PTPRG: variants seen among roughly 807,000 people sequenced by gnomAD.
The protein encoded by PTPRG is receptor-type tyrosine-protein phosphatase gamma.
In PTPRG, 102 loss-of-function variants were observed where a neutral mutation model predicts 165.3. That is an observed-to-expected ratio of 0.62 (90% CI 0.53 to 0.73). The LOEUF (loss-of-function observed/expected upper bound fraction) is 0.73, where lower values mean the gene tolerates loss of function less well. Among genes scored for constraint, PTPRG ranks in the 30% least tolerant of loss-of-function variants. PTPRG has a pLI of 0.00. For synonymous variants in PTPRG, 675 were observed against 669.5 expected (o/e 1.01, Z -0.13); for missense variants, 1,866 against 1,861.4 (o/e 1.00, Z -0.05).
At chr3:62,176,010 TA>T (rs1407087202) in intron 8 of PTPRG, among the ~76,000 whole-genome samples, 6 of 152,228 alleles carry the variant, frequency 3.9e-5, no homozygotes, top group Non-Finnish European at 7.3e-5. Flanking sequence ...TAAGATCTTC[TA>T]GCAGTGGGAA....
chr3:62,178,174 G>GATGGATGGATGGATGCACATGTGGATCC (rs1705505408), intron 8 of PTPRG, among the ~76,000 whole-genome samples: 1 of 151,742 alleles, frequency 6.6e-6, no homozygotes, highest in South Asian at 2.1e-4. Context: ...TGGATGGATG[G>GATGGATGGATGGATGCACATGTGGATCC]ATGGATGGAT....
At chr3:62,204,451 C>G (rs1227770198) in intron 12 of PTPRG, among the ~76,000 whole-genome samples, 30 of 152,006 alleles carry the variant, frequency 2.0e-4, no homozygotes. Flanking sequence ...GTAGCAGGAA[C>G]GTTAGAAAGC....
intron 5 of PTPRG, among the ~76,000 whole-genome samples, chr3:62,125,420 C>T (rs1461684172): frequency 6.6e-6 from 1 of 152,152 alleles, no homozygotes; most frequent in Admixed American, 6.5e-5. Flanking sequence ...CTTTTTGCTT[C>T]CAGGGAATGA....
At chr3:61,894,961 A>G (rs145324786) in intron 2 of PTPRG, among the ~76,000 whole-genome samples, 1,607 of 152,190 alleles carry the variant, frequency 0.011, 10 homozygotes, top group Non-Finnish European at 0.017. Flanking sequence ...TCTTTGTTGT[A>G]GGAGGGTATC....
chr3:62,262,393 G>GACA, intron 16 of PTPRG: 1 of 154,048 alleles, frequency 6.5e-6, no homozygotes, highest in African/African-American at 2.4e-5. Context: ...TTAAGACTTA[G>GACA]GTAAATTTTT....
intron 5 of PTPRG, among the ~76,000 whole-genome samples, chr3:62,114,297 T>TCAAACAAAAACAAA (rs1486718717): frequency 6.6e-6 from 1 of 151,846 alleles, no homozygotes; most frequent in Admixed American, 6.6e-5. Flanking sequence ...AGACTTTGTC[T>TCAAACAAAAACAAA]CAAACAAAAA....
chr3:61,708,715 C>A (rs992045927), intron 1 of PTPRG, among the ~76,000 whole-genome samples: 1 of 152,204 alleles, frequency 6.6e-6, no homozygotes, highest in East Asian at 1.9e-4. Flanking sequence ...CCTCGGCCTC[C>A]CAAGGTGCTG....
chr3:62,212,059 A>T (rs986556437), intron 12 of PTPRG, among the ~76,000 whole-genome samples: 1 of 151,902 alleles, frequency 6.6e-6, no homozygotes, highest in Non-Finnish European at 1.5e-5. Context: ...GGCTGTACGG[A>T]GAGAAAGAAC....
At chr3:61,746,208 ATTTTTT>A (rs750697053) in intron 1 of PTPRG, among the ~76,000 whole-genome samples, 10,092 of 81,084 alleles carry the variant, frequency 0.12, 576 homozygotes, top group Admixed American at 0.16. Flanking sequence ...ACACACTCTA[ATTTTTT>A]TTTTTTTTTT....
At chr3:61,914,173 A>G (rs1257292749) in intron 2 of PTPRG, among the ~76,000 whole-genome samples, 1 of 152,146 alleles carries the variant, frequency 6.6e-6, no homozygotes, top group African/African-American at 2.4e-5. Context: ...TAAAGATTCC[A>G]CTGATCTCTG....
intron 1 of PTPRG, chr3:61,742,362 A>T: frequency 1.1e-6 from 1 of 888,130 alleles, no homozygotes; most frequent in Non-Finnish European, 1.7e-6. Context: ...GGTGACTCTT[A>T]GGACATTTTT....
At chr3:62,186,567 C>CCTTTTTTTTTTTTTTTTTTTTT (rs1705895088) in intron 8 of PTPRG, among the ~76,000 whole-genome samples, 1 of 117,542 alleles carries the variant, frequency 8.5e-6, no homozygotes, top group African/African-American at 3.5e-5. Context: ...TTTTCTTTTC[C>CCTTTTTTTTTTTTTTTTTTTTT]TTTTTTTTTT....
At chr3:62,261,353 T>A (rs1447068767) in intron 16 of PTPRG, among the ~76,000 whole-genome samples, 1 of 152,192 alleles carries the variant, frequency 6.6e-6, no homozygotes, top group East Asian at 1.9e-4. Flanking sequence ...CCCAACGTGC[T>A]AAGTTTGGCT....
chr3:61,627,704 C>G (rs1162484063), intron 1 of PTPRG, among the ~76,000 whole-genome samples: 1 of 152,052 alleles, frequency 6.6e-6, no homozygotes, highest in Non-Finnish European at 1.5e-5. Flanking sequence ...TTTTAGAATG[C>G]TTTTGTAGGA....
chr3:61,683,998 G>A (rs6804738), intron 1 of PTPRG, among the ~76,000 whole-genome samples: 60,579 of 152,074 alleles, frequency 0.4, 12,543 homozygotes, highest in African/African-American at 0.49. Context: ...GGTACCGTAG[G>A]GCAAGCATGA....
chr3:61,833,672 C>T (rs1302210536), intron 2 of PTPRG, among the ~76,000 whole-genome samples: 2 of 152,090 alleles, frequency 1.3e-5, no homozygotes, highest in Non-Finnish European at 2.9e-5. Flanking sequence ...AAGCAATTCT[C>T]GTGCCTCAGC....
chr3:61,726,542 TATAAG>T (rs2032264399), intron 1 of PTPRG, among the ~76,000 whole-genome samples: 5 of 152,320 alleles, frequency 3.3e-5, no homozygotes, highest in Middle Eastern at 3.4e-3. Flanking sequence ...ACCTAGGACA[TATAAG>T]ATAACCACAA....
intron 8 of PTPRG, among the ~76,000 whole-genome samples, chr3:62,174,801 A>G (rs193221513): frequency 2.0e-5 from 3 of 152,352 alleles, no homozygotes; most frequent in Admixed American, 6.5e-5. Context: ...TGAACACTTA[A>G]TGCCTTTGCA....
chr3:61,964,205 A>G (rs144176515), intron 2 of PTPRG, among the ~76,000 whole-genome samples: 62 of 152,296 alleles, frequency 4.1e-4, no homozygotes, highest in Admixed American at 1.1e-3. Flanking sequence ...AGAGGGGACA[A>G]TTTTACTCTG....
Sources: allele counts gnomAD v4.1 joint callset (sites outside exome capture counted in the v4.1 genomes callset), GRCh38; gene constraint gnomAD v4.1.1; transcripts MANE v1.5; gene names NCBI Gene and HGNC (gene_info 2026-07-23, HGNC 2026-07-21).